SNTG1: variants seen among roughly 807,000 people sequenced by gnomAD.
SNTG1 encodes the protein gamma-1-syntrophin.
In SNTG1, 39 loss-of-function variants were observed where a neutral mutation model predicts 74.7. That is an observed-to-expected ratio of 0.52 (90% CI 0.40 to 0.68). The LOEUF (loss-of-function observed/expected upper bound fraction) is 0.68. SNTG1 is among the 30% of genes least tolerant of loss of function. The pLI is 0.00. For missense variants in SNTG1, 685 were observed against 609.5 expected (o/e 1.12, Z -1.30); for synonymous variants, 254 against 217.1 (o/e 1.17, Z -1.49).
chr8:50,121,278 T>A (rs59840040), intron 1 of SNTG1, among the ~76,000 whole-genome samples: 4,491 of 141,668 alleles, frequency 0.032, 718 homozygotes, highest in African/African-American at 0.11. Context: ...CAAGTTAAAA[T>A]TTCTGAGTTT....
intron 1 of SNTG1, among the ~76,000 whole-genome samples, chr8:50,104,316 C>T (rs1324511035): frequency 1.3e-5 from 2 of 152,128 alleles, no homozygotes; most frequent in Non-Finnish European, 2.9e-5. Flanking sequence ...AGGAGTTTAT[C>T]CATTTCTTCT....
intron 2 of SNTG1, among the ~76,000 whole-genome samples, chr8:50,372,193 A>G (rs1195585216): frequency 6.8e-6 from 1 of 147,984 alleles, no homozygotes; most frequent in Non-Finnish European, 1.5e-5. Flanking sequence ...AGCTGCTTTC[A>G]TTTGTGTTTC....
chr8:50,249,796 A>G (rs559505426), intron 2 of SNTG1, among the ~76,000 whole-genome samples: 17 of 152,160 alleles, frequency 1.1e-4, no homozygotes, highest in Non-Finnish European at 2.1e-4. Context: ...CTCAACCAAC[A>G]TCCTAGGATC....
At chr8:50,583,993 A>T (rs569676613) in intron 12 of SNTG1, among the ~76,000 whole-genome samples, 2 of 151,898 alleles carry the variant, frequency 1.3e-5, no homozygotes, top group Non-Finnish European at 2.9e-5. Flanking sequence ...TCATTGTTCA[A>T]TTCCCACCTA....
At chr8:50,419,318 C>A (rs944499832) in intron 4 of SNTG1, among the ~76,000 whole-genome samples, 21 of 152,170 alleles carry the variant, frequency 1.4e-4, no homozygotes, top group African/African-American at 5.1e-4. Context: ...TGGCAATGGC[C>A]AAGTGGAAAA....
At chr8:50,069,028 ATC>A (rs1435471207) in intron 1 of SNTG1, among the ~76,000 whole-genome samples, 1 of 152,260 alleles carries the variant, frequency 6.6e-6, no homozygotes, top group Non-Finnish European at 1.5e-5. Context: ...TTTACAATTT[ATC>A]TGTTTTCTCC....
intron 2 of SNTG1, among the ~76,000 whole-genome samples, chr8:50,190,799 A>G (rs987515890): frequency 6.6e-6 from 1 of 152,128 alleles, no homozygotes; most frequent in African/African-American, 2.4e-5. Flanking sequence ...TTGGGGGTGG[A>G]TAGTGGAACT....
intron 1 of SNTG1, among the ~76,000 whole-genome samples, chr8:49,955,650 G>C (rs1810089664): frequency 6.6e-6 from 1 of 152,208 alleles, no homozygotes; most frequent in African/African-American, 2.4e-5. Context: ...TAACTCACCA[G>C]AAAGGGAGGA....
intron 9 of SNTG1, among the ~76,000 whole-genome samples, chr8:50,523,632 C>A (rs935249796): frequency 2.6e-5 from 4 of 152,016 alleles, no homozygotes; most frequent in Non-Finnish European, 1.5e-5. Flanking sequence ...CCTTATGTGG[C>A]GTGGTTTGTG....
At chr8:50,141,883 G>T (rs866046076) in intron 1 of SNTG1, among the ~76,000 whole-genome samples, 65 of 151,936 alleles carry the variant, frequency 4.3e-4, no homozygotes, top group Admixed American at 3.3e-3. Context: ...GAAAATAAAA[G>T]AAAATAAAAG....
chr8:50,484,310 G>A lies in SNTG1; in HGVS notation c.364-18468G>A, dbSNP rs2093771346. Among the ~76,000 whole-genome samples, 4 of 150,968 alleles carry A rather than the reference G, an allele frequency of 2.6e-5. No individual in the cohort carries two copies. In the South Asian group the frequency reaches 8.4e-4, roughly 32 times the overall value. On this transcript the variant is annotated intron_variant, in intron 8 of 18. Transcript: ENST00000642720. Reference sequence around the variant, plus strand: ...AGCTCACTGTAACCTCCACCTCCCAGGTTCAAGCAAGTCTCCTGCCTCAGC... The same window carrying A: ...AGCTCACTGTAACCTCCACCTCCCAAGTTCAAGCAAGTCTCCTGCCTCAGC...
At position 50,671,313 on chromosome 8, in the gene SNTG1, C is replaced by A. The variant is rs1249473586; in HGVS notation, c.1038+12650C>A. 5.3e-5 allele frequency among the ~76,000 whole-genome samples: 8 copies of A among 151,728 alleles called. 1 individual carries two copies. Among genetic ancestry groups the A allele is most frequent in the Admixed American group, 5.3e-4 (8 of 15,232 alleles). On this transcript the variant is annotated intron_variant, in intron 15 of 18. Coordinates refer to ENST00000642720, the MANE Select transcript of SNTG1 (RefSeq NM_018967.5). Reference sequence around the variant, plus strand: ...TACTCATCTGACAAAGGGCTAATATCCAGAATCTACAATGAACTCAAACAA... The same window carrying A: ...TACTCATCTGACAAAGGGCTAATATACAGAATCTACAATGAACTCAAACAA...
chr8:50,624,716 G>C (rs1300009228), intron 13 of SNTG1, among the ~76,000 whole-genome samples: 1 of 152,116 alleles, frequency 6.6e-6, no homozygotes, highest in Non-Finnish European at 1.5e-5. Flanking sequence ...CAAGTTTACA[G>C]TACTTAGTTC....
chr8:50,250,400 C>T (rs2086595342), intron 2 of SNTG1, among the ~76,000 whole-genome samples: 2 of 152,076 alleles, frequency 1.3e-5, no homozygotes, highest in Admixed American at 6.6e-5. Flanking sequence ...GTATAGTAAA[C>T]ATACTTATAG....
chr8:50,792,053 C>A (rs1401981098), intron 18 of SNTG1, among the ~76,000 whole-genome samples: 1 of 150,828 alleles, frequency 6.6e-6, no homozygotes, highest in Non-Finnish European at 1.5e-5. Flanking sequence ...TTCTAAAAAT[C>A]CAAAATGAAT....
intron 10 of SNTG1, among the ~76,000 whole-genome samples, chr8:50,534,464 G>A (rs999060891): frequency 6.6e-6 from 1 of 152,058 alleles, no homozygotes; most frequent in Non-Finnish European, 1.5e-5. Context: ...CCCTCATGAA[G>A]AAAAGTTGGG....
At chr8:49,975,772 T>TGC (rs1812140162) in intron 1 of SNTG1, among the ~76,000 whole-genome samples, 1 of 151,042 alleles carries the variant, frequency 6.6e-6, no homozygotes, top group East Asian at 1.9e-4. Context: ...TATATATATG[T>TGC]GTGTGTGTGT....
intron 1 of SNTG1, among the ~76,000 whole-genome samples, chr8:49,989,205 C>G (rs1329664086): frequency 6.6e-6 from 1 of 151,812 alleles, no homozygotes; most frequent in Admixed American, 6.6e-5. Context: ...AAACTTTTAG[C>G]TGGAATGACC....
At chr8:50,059,440 A>G (rs1018409118) in intron 1 of SNTG1, among the ~76,000 whole-genome samples, 10 of 152,052 alleles carry the variant, frequency 6.6e-5, no homozygotes, top group African/African-American at 1.2e-4. Flanking sequence ...CATAATCAAT[A>G]TTAGAATATT....
Sources: allele counts gnomAD v4.1 joint callset (sites outside exome capture counted in the v4.1 genomes callset), GRCh38; gene constraint gnomAD v4.1.1; transcripts MANE v1.5; gene names NCBI Gene and HGNC (gene_info 2026-07-23, HGNC 2026-07-21).